The following DCAF10 variants were observed in gnomAD, a reference collection of about 807,000 sequenced individuals.
DCAF10 encodes DDB1 and CUL4 associated factor 10, also known as DDB1- and CUL4-associated factor 10.
Under a neutral mutation model 51.9 loss-of-function variants are expected in DCAF10, and 19 were observed. That is an observed-to-expected ratio of 0.37 (90% confidence interval 0.26 to 0.54). DCAF10 has a LOEUF of 0.54. Among genes scored for constraint, DCAF10 ranks in the 20% least tolerant of loss-of-function variants. The probability of loss-of-function intolerance (pLI) is 0.87; values close to 1 mark genes in which losing one functional copy is unlikely to be tolerated. For synonymous variants in DCAF10, 291 were observed against 297.1 expected, an observed-to-expected ratio of 0.98 and a Z score of 0.21; for missense variants, 510 against 730.6, an observed-to-expected ratio of 0.70 and a Z score of 3.48.
chr9:37,850,824 TTTTATATATATATA>T (rs1269996241), intron 3 of DCAF10, among the ~76,000 whole-genome samples: 14 of 54,530 alleles, frequency 2.6e-4, no homozygotes, highest in African/African-American at 7.0e-4. Context: ...TGAGGATATA[TTTTATATATATATA>T]TATATATATA....
intron 2 of DCAF10, among the ~76,000 whole-genome samples, chr9:37,828,234 G>C (rs1434960846): frequency 6.6e-6 from 1 of 152,058 alleles, no homozygotes; most frequent in African/African-American, 2.4e-5. Flanking sequence ...TGCATGTGTG[G>C]GACCCAAATT....
chr9:37,830,216 G>C (rs1829968348), intron 2 of DCAF10, among the ~76,000 whole-genome samples: 1 of 152,114 alleles, frequency 6.6e-6, no homozygotes. Flanking sequence ...ATCAGCATCT[G>C]ATACACATCT....
chr9:37,850,870 A>ATATATATG (rs1830627085), intron 3 of DCAF10, among the ~76,000 whole-genome samples: 6 of 83,602 alleles, frequency 7.2e-5, no homozygotes, highest in Admixed American at 1.3e-4. Flanking sequence ...ATATATATAT[A>ATATATATG]TATATATATA....
chr9:37,860,488 A>G (rs1357670906), intron 6 of DCAF10: 1 of 267,764 alleles, frequency 3.7e-6, no homozygotes, highest in East Asian at 6.8e-5. Context: ...CTTTCATCTC[A>G]CCCTAAACAA....
chr9:37,844,117 C>A (rs1427412416), intron 3 of DCAF10, among the ~76,000 whole-genome samples: 1 of 152,148 alleles, frequency 6.6e-6, no homozygotes, highest in Non-Finnish European at 1.5e-5. Flanking sequence ...AAAAACATAG[C>A]ATAAAACTAT....
rs372664140 is a variant in DCAF10, at chr9:37,816,659, G to GGGGGGT, written c.540-2628_540-2627insGGGGTG. Among the ~76,000 whole-genome samples the GGGGGGT allele has an allele frequency of 2.1e-5, 3 of 144,890 alleles. No homozygotes were observed. In the East Asian group the frequency reaches 6.1e-4, roughly 29 times the overall value. Reference sequence around the variant, plus strand: ...AATCTCAATTAACATCTGCACCTGGGGTGTGTGTGTGTGTGTGTGTGTGTG... The same window carrying GGGGGGT: ...AATCTCAATTAACATCTGCACCTGGGGGGGGTGTGTGTGTGTGTGTGTGTGTGTGTG... On this transcript the variant is annotated intron_variant, in intron 1 of 6. Transcript: ENST00000377724.
At chr9:37,825,611 T>C (rs762647988) in intron 2 of DCAF10, among the ~76,000 whole-genome samples, 1 of 152,126 alleles carries the variant, frequency 6.6e-6, no homozygotes, top group Non-Finnish European at 1.5e-5. Context: ...TCAGGTTAAA[T>C]AACTAATGAG....
intron 1 of DCAF10, among the ~76,000 whole-genome samples, chr9:37,814,100 A>ATGTATGTATATATATATATATATATATG (rs1242481233): frequency 7.2e-5 from 7 of 97,122 alleles, no homozygotes; most frequent in African/African-American, 3.2e-4. Flanking sequence ...ATATATATAT[A>ATGTATGTATATATATATATATATATATG]TATATATATA....
chr9:37,860,335 G>C, intron 6 of DCAF10, 142 bp downstream of exon 6: 1 of 1,050,774 alleles, frequency 9.5e-7, no homozygotes, highest in Non-Finnish European at 1.4e-6. Flanking sequence ...CGACTCTCCT[G>C]TTTCTGTCCT....
At chr9:37,814,935 G>A (rs956234420) in intron 1 of DCAF10, among the ~76,000 whole-genome samples, 6 of 152,082 alleles carry the variant, frequency 3.9e-5, no homozygotes, top group African/African-American at 7.2e-5. Flanking sequence ...ATGCAATTTC[G>A]CTGAAGAATA....
At chr9:37,808,398 C>T (rs1017727043) in intron 1 of DCAF10, among the ~76,000 whole-genome samples, 9 of 139,238 alleles carry the variant, frequency 6.5e-5, no homozygotes, top group African/African-American at 1.0e-4. Flanking sequence ...ACAGCCTGGG[C>T]GACAGAATGA....
rs1222612470 is a variant in DCAF10, at chr9:37,863,402, T to C, written c.*1894T>C. ...CAATTCCCAGAAAGTGTTTTCATTA[T>C]TTAAAAAATAATAATAGTAAATGAA... On this transcript the variant is annotated 3_prime_UTR_variant, in exon 7 of 7. Transcript: ENST00000377724. 6.6e-6 allele frequency: 1 copy of C among 151,788 alleles called. No homozygotes were observed. The highest frequency in any genetic ancestry group is 2.4e-5 in the African/African-American group (1 of 41,338). 9.4% of individuals were successfully genotyped at this position (151,788 alleles called of 1,614,324 possible). A position where few individuals can be genotyped will look rare whatever the true frequency, so the allele number is the denominator to read the frequency against.
intron 3 of DCAF10, among the ~76,000 whole-genome samples, chr9:37,848,621 A>G (rs948798808): frequency 6.6e-6 from 1 of 152,158 alleles, no homozygotes; most frequent in Non-Finnish European, 1.5e-5. Context: ...GGTGATGAAA[A>G]TGTTCTAAAA....
intron 2 of DCAF10, among the ~76,000 whole-genome samples, chr9:37,835,192 T>C (rs998283433): frequency 6.6e-6 from 1 of 152,092 alleles, no homozygotes; most frequent in African/African-American, 2.4e-5. Flanking sequence ...CCTAGCACTT[T>C]GGGAGGTCGA....
chr9:37,861,466 G>A lies in DCAF10; in HGVS notation c.1638G>A (p.Gly546=), dbSNP rs772739753. The A allele has an allele frequency of 2.5e-6, 4 of 1,613,376 alleles. No homozygotes were observed. The South Asian group carries it at 4.4e-5, about 18-fold the overall frequency. Residue 546 remains glycine, a synonymous_variant, in exon 7 of 7, where the codon GGG becomes GGA. Transcript: ENST00000377724. The surrounding 1 kb of genome is among the most constrained non-coding windows in gnomAD (Gnocchi z 4.9). ...CAACACATTGTCAGATTGCCTCAGG[G>A]TGCCTTAGTGGACGGGTTTCTTTGT... ...FSPTHCQIAS[G]CLSGRVSLYQ...
intron 1 of DCAF10, among the ~76,000 whole-genome samples, chr9:37,812,162 C>T (rs1019855120): frequency 1.5e-5 from 2 of 130,724 alleles, no homozygotes; most frequent in Non-Finnish European, 3.5e-5. Context: ...CGCCACCACA[C>T]TCCAAACCTT....
At chr9:37,811,228 A>AGGCTGAG (rs1224619021) in intron 1 of DCAF10, among the ~76,000 whole-genome samples, 2 of 152,130 alleles carry the variant, frequency 1.3e-5, no homozygotes, top group Non-Finnish European at 2.9e-5. Context: ...GCTACTCTGG[A>AGGCTGAG]GGCTGAGGTG....
At position 37,801,489 on chromosome 9, in the gene DCAF10, C is replaced by A. The variant is rs946984942; in HGVS notation, c.539+84C>A. The A allele has an allele frequency of 5.3e-6, 7 of 1,328,944 alleles. No homozygotes were observed. In the Admixed American group the frequency reaches 1.3e-4, roughly 24 times the overall value. The allele number at this position is 1,328,944 out of a possible 1,614,324, so 82.3% of individuals were successfully genotyped here. ...ACGGCCGTCCTGGGCTCGCTCCCCG[C>A]GCCCGGGCCGAGGTTAGCGAGGCCG... On this transcript the variant is annotated intron_variant, in intron 1 of 6. Coordinates refer to ENST00000377724, the MANE Select transcript of DCAF10 (RefSeq NM_024345.5). This position sits in a 1 kb window ranked among gnomAD's most constrained non-coding sequence, Gnocchi z 5.5.
At chr9:37,825,890 C>T (rs1207922419) in intron 2 of DCAF10, among the ~76,000 whole-genome samples, 2 of 151,862 alleles carry the variant, frequency 1.3e-5, no homozygotes, top group Admixed American at 1.3e-4. Context: ...CAAAAAATAG[C>T]CAGGCTTGGT....
Sources: gnomAD v4.1 joint callset for allele counts (sites outside exome capture counted in the v4.1 genomes callset) on GRCh38, gnomAD v4.1.1 for gene constraint, Gnocchi (gnomAD v3.1) non-coding constraint, MANE v1.5 for transcripts, NCBI Gene and HGNC (gene_info 2026-07-23, HGNC 2026-07-21) for gene names.